Variants in EIF2B3 observed in about 807,000 individuals in gnomAD.
The protein encoded by EIF2B3 is eukaryotic translation initiation factor 2B subunit gamma.
Under a neutral mutation model 54.1 loss-of-function variants are expected in EIF2B3, and 20 were observed. The observed-to-expected ratio is 0.37, with a 90% CI of 0.26 to 0.54. The LOEUF is 0.54. Among genes scored for constraint, EIF2B3 ranks in the 20% least tolerant of loss-of-function variants. The pLI is 0.86. For synonymous variants in EIF2B3, 153 were observed against 188.1 expected, an observed-to-expected ratio of 0.81 and a Z score of 1.52; for missense variants, 448 against 547.8, an observed-to-expected ratio of 0.82 and a Z score of 1.82.
intron 5 of EIF2B3, 149 bp downstream of exon 5, chr1:44,926,479 C>G: frequency 1.5e-6 from 1 of 653,848 alleles, no homozygotes; most frequent in South Asian, 1.8e-5. Context: ...GAAAAGCCTT[C>G]ATCCTGTCTC....
intron 11 of EIF2B3, among the ~76,000 whole-genome samples, chr1:44,856,332 T>C (rs945642635): frequency 6.6e-6 from 1 of 151,400 alleles, no homozygotes; most frequent in Non-Finnish European, 1.5e-5. Context: ...CTGGGTGACA[T>C]TGCAAAACCC....
chr1:44,897,304 A>AAC lies in EIF2B3; in HGVS notation c.656+50_656+51insGT, dbSNP rs764262730. 40 of 1,373,328 alleles carry AAC rather than the reference A, an allele frequency of 2.9e-5. No homozygotes were observed. In the East Asian group the frequency reaches 9.2e-4, roughly 32 times the overall value. The allele number at this position is 1,373,328 out of a possible 1,614,324, so 85.1% of individuals were successfully genotyped here. ...AAGGTTTAAAATTTAAGGAATTCACAAAGTAGCTTGTTAAGTACTGTAGGT... is the reference window on the plus strand; with the variant it reads ...AAGGTTTAAAATTTAAGGAATTCACAACAAGTAGCTTGTTAAGTACTGTAGGT... On this transcript the variant is annotated intron_variant, in intron 6 of 11. Coordinates refer to ENST00000360403, the MANE Select transcript of EIF2B3 (RefSeq NM_020365.5).
At chr1:44,969,800 C>T (rs1434054140) in intron 3 of EIF2B3, among the ~76,000 whole-genome samples, 2 of 152,104 alleles carry the variant, frequency 1.3e-5, no homozygotes, top group Admixed American at 6.6e-5. Context: ...TTGTGTTTAA[C>T]AATGGCAATT....
intron 10 of EIF2B3, among the ~76,000 whole-genome samples, chr1:44,860,752 G>C (rs1010803911): frequency 6.6e-5 from 10 of 152,106 alleles, no homozygotes; most frequent in African/African-American, 2.2e-4. Context: ...CAGTACCCGA[G>C]TCAGAAATGG....
chr1:44,881,263 G>A lies in EIF2B3; in HGVS notation c.784+349C>T, dbSNP rs1322180574. Among the ~76,000 whole-genome samples the A allele has an allele frequency of 3.3e-5, 5 of 152,324 alleles. No individual in the cohort carries two copies. In the South Asian group the frequency reaches 8.3e-4, roughly 25 times the overall value. On this transcript the variant is annotated intron_variant, in intron 7 of 11. Transcript: ENST00000360403. The surrounding 1 kb of genome is among the most constrained non-coding windows in gnomAD (Gnocchi z 4.0). ...TCCTTCCCTTGATAAAAGAGGTTGA[G>A]TTTAATCAGGAACGGGGCTGCCTAG...
chr1:44,864,009 C>T (rs966739898), intron 10 of EIF2B3, among the ~76,000 whole-genome samples: 3 of 152,100 alleles, frequency 2.0e-5, no homozygotes, highest in African/African-American at 7.2e-5. Flanking sequence ...CTGTATGCCC[C>T]CCTTCACTAT....
intron 11 of EIF2B3, among the ~76,000 whole-genome samples, chr1:44,852,585 G>T (rs1178944586): frequency 6.6e-6 from 1 of 151,900 alleles, no homozygotes; most frequent in Non-Finnish European, 1.5e-5. Flanking sequence ...TTCAAGACCA[G>T]CCTGGCCAAC....
chr1:44,887,566 C>G (rs1001515567), intron 6 of EIF2B3, among the ~76,000 whole-genome samples: 3 of 152,206 alleles, frequency 2.0e-5, no homozygotes, highest in Admixed American at 2.0e-4. Flanking sequence ...GAACAATGCA[C>G]TGAAGTGCAT....
chr1:44,970,676 C>T (rs907303965), intron 3 of EIF2B3, among the ~76,000 whole-genome samples: 5 of 152,212 alleles, frequency 3.3e-5, no homozygotes, highest in Non-Finnish European at 5.9e-5. Context: ...GGCTGTCTCA[C>T]TTTCTTCAAC....
intron 2 of EIF2B3, among the ~76,000 whole-genome samples, chr1:44,980,320 C>T (rs12127012): frequency 0.22 from 33,676 of 151,820 alleles, 4,065 homozygotes; most frequent in Admixed American, 0.32. Context: ...AAAACTTAGC[C>T]GGGCATGGTG....
At chr1:44,871,650 C>T (rs948380523) in intron 10 of EIF2B3, among the ~76,000 whole-genome samples, 1 of 152,124 alleles carries the variant, frequency 6.6e-6, no homozygotes, top group South Asian at 2.1e-4. Context: ...AAGGCACTTA[C>T]ATTCTGAAAC....
At chr1:44,929,973 A>G (rs1425370193) in intron 4 of EIF2B3, among the ~76,000 whole-genome samples, 5 of 152,262 alleles carry the variant, frequency 3.3e-5, no homozygotes, top group Non-Finnish European at 5.9e-5. Flanking sequence ...GGAGCAGAGC[A>G]GGTAATTGTA....
intron 2 of EIF2B3, among the ~76,000 whole-genome samples, 161 bp from the exon 3 acceptor site, chr1:44,978,621 CTTTT>C (rs57964686): frequency 3.1e-4 from 24 of 76,634 alleles, no homozygotes; most frequent in African/African-American, 1.4e-3. Flanking sequence ...CCAATAAATT[CTTTT>C]TTTTTTTTTT....
At position 44,865,670 on chromosome 1, in the gene EIF2B3, C is replaced by T. The variant is rs542381991; in HGVS notation, c.1203-7863G>A. On this transcript the variant is annotated intron_variant, in intron 10 of 11. Transcript: ENST00000360403. Reference sequence around the variant, plus strand: ...GAACTGGGCTCACTGCAACCTCCACCTTCCGGGGTTCAAGTGATTCTCCTG... The same window carrying T: ...GAACTGGGCTCACTGCAACCTCCACTTTCCGGGGTTCAAGTGATTCTCCTG... Among the ~76,000 whole-genome samples, 16 of 152,110 alleles carry T rather than the reference C, an allele frequency of 1.1e-4. No homozygotes were observed. The South Asian group carries it at 1.9e-3, about 18-fold the overall frequency.
chr1:44,946,404 A>G (rs769965093), intron 3 of EIF2B3, among the ~76,000 whole-genome samples: 4 of 150,408 alleles, frequency 2.7e-5, no homozygotes, highest in Non-Finnish European at 5.9e-5. Flanking sequence ...CAGAAGAAGA[A>G]AGAAAGGAAA....
intron 4 of EIF2B3, among the ~76,000 whole-genome samples, chr1:44,927,930 G>A (rs1643868421): frequency 6.6e-6 from 1 of 152,164 alleles, no homozygotes; most frequent in African/African-American, 2.4e-5. Flanking sequence ...GGGAGGCTGA[G>A]GCAGAAGCAT....
chr1:44,858,324 C>T (rs572470172), intron 10 of EIF2B3, among the ~76,000 whole-genome samples: 1 of 152,096 alleles, frequency 6.6e-6, no homozygotes, highest in South Asian at 2.1e-4. Context: ...TAGGCTGACC[C>T]ATCACTGCTG....
intron 4 of EIF2B3, among the ~76,000 whole-genome samples, chr1:44,936,352 G>A (rs905266313): frequency 5.3e-5 from 8 of 151,922 alleles, no homozygotes; most frequent in African/African-American, 1.9e-4. Context: ...GGCCAAGGCG[G>A]GTGGATCACT....
chr1:44,875,991 G>A (rs1350773965), intron 8 of EIF2B3, among the ~76,000 whole-genome samples: 2 of 152,210 alleles, frequency 1.3e-5, no homozygotes, highest in Non-Finnish European at 2.9e-5. Context: ...TCGCTGTGTT[G>A]GCCGGGCTGG....
Sources: allele counts gnomAD v4.1 joint callset (sites outside exome capture counted in the v4.1 genomes callset), GRCh38; gene constraint gnomAD v4.1.1; non-coding constraint Gnocchi (gnomAD v3.1); transcripts MANE v1.5; gene names NCBI Gene and HGNC (gene_info 2026-07-23, HGNC 2026-07-21).